Variants in BBS9 observed in about 807,000 individuals in gnomAD.
BBS9 encodes protein PTHB1.
Under a neutral mutation model 117.7 loss-of-function variants are expected in BBS9, and 89 were observed. That is an observed-to-expected ratio of 0.76 (90% CI 0.64 to 0.90). The LOEUF (loss-of-function observed/expected upper bound fraction) is 0.90, where lower values mean the gene tolerates loss of function less well. Among genes scored for constraint, BBS9 ranks in the 40% least tolerant of loss-of-function variants. The pLI is 0.00. For missense variants in BBS9, 982 were observed against 1,042.2 expected (o/e 0.94, Z 0.80); for synonymous variants, 379 against 370.9 (o/e 1.02, Z -0.25).
chr7:33,594,322 G>T (rs1862387605), intron 21 of BBS9, among the ~76,000 whole-genome samples: 1 of 152,044 alleles, frequency 6.6e-6, no homozygotes. Flanking sequence ...TCAGGCAGCG[G>T]AACTGAGCTC....
rs141841843 is a variant in BBS9 at position 33,270,075 on chromosome 7, G to T, written c.703-2937G>T. On this transcript the variant is annotated intron_variant, in intron 7 of 22. Coordinates refer to ENST00000242067, the MANE Select transcript of BBS9 (RefSeq NM_198428.3). ...AAATATAGAGGTGCCACATAAGTGA[G>T]AAAGAGCCTACTTACTGACCAATGC... Among the ~76,000 whole-genome samples the T allele has an allele frequency of 2.5e-4, 38 of 149,784 alleles. 1 individual carries two copies. The highest frequency in any genetic ancestry group is 8.8e-4 in the African/African-American group (36 of 40,916).
At chr7:33,339,848 G>A (rs1483862938) in intron 10 of BBS9, among the ~76,000 whole-genome samples, 4 of 152,012 alleles carry the variant, frequency 2.6e-5, no homozygotes, top group Admixed American at 6.5e-5. Flanking sequence ...GGATTTGACC[G>A]TGGAGCCTGG....
intron 21 of BBS9, among the ~76,000 whole-genome samples, chr7:33,574,052 G>T (rs2129143639): frequency 6.6e-6 from 1 of 152,224 alleles, no homozygotes; most frequent in African/African-American, 2.4e-5. Context: ...GGGTCCCAGT[G>T]CCCACAGGCT....
At chr7:33,137,626 A>G (rs1216157230) in intron 1 of BBS9, among the ~76,000 whole-genome samples, 1 of 152,126 alleles carries the variant, frequency 6.6e-6, no homozygotes, top group African/African-American at 2.4e-5. Flanking sequence ...TGGTTTCTTA[A>G]TTTCTTGGGA....
At chr7:33,273,714 T>G in intron 8 of BBS9, 113 bp from the exon 9 acceptor site, 1 of 910,618 alleles carries the variant, frequency 1.1e-6, no homozygotes, top group Non-Finnish European at 1.7e-6. Context: ...AAAATCTTTA[T>G]GTATTAAAAT....
intron 19 of BBS9, among the ~76,000 whole-genome samples, chr7:33,409,345 G>A (rs1000704199): frequency 6.6e-6 from 1 of 152,158 alleles, no homozygotes; most frequent in African/African-American, 2.4e-5. Context: ...ATGATGATAG[G>A]TAGGGATCCA....
rs183540069 is a variant in BBS9, at chr7:33,363,872, A to C, written c.1694-3895A>C. ...TTGATTAATTTTTAATGTTAGCCCA[A>C]CCGTGCATTCTTGAGATAAATTATA... On this transcript the variant is annotated intron_variant, in intron 16 of 22. Transcript: ENST00000242067. Among the ~76,000 whole-genome samples the C allele has an allele frequency of 4.1e-4, 63 of 152,106 alleles. 1 individual carries two copies. Among genetic ancestry groups the C allele is most frequent in the African/African-American group, 1.4e-3 (60 of 41,532 alleles).
In BBS9 at chr7:33,388,162, A is replaced by G; in HGVS notation, c.2115+18A>G. ...ACAAGCAGGTCAGTATAATATCAGT[A>G]ACAGTTTTCTATTACTGGCTATACT... On this transcript the variant is annotated intron_variant, in intron 19 of 22. Transcript: ENST00000242067. The G allele has an allele frequency of 6.2e-7, 1 of 1,613,358 alleles. No homozygotes were observed. Among genetic ancestry groups the G allele is most frequent in the Non-Finnish European group, 8.5e-7 (1 of 1,179,306 alleles).
At chr7:33,458,445 T>A (rs1468513190) in intron 19 of BBS9, among the ~76,000 whole-genome samples, 1 of 152,200 alleles carries the variant, frequency 6.6e-6, no homozygotes, top group African/African-American at 2.4e-5. Context: ...TCTAGTCCAT[T>A]TGTGGATTAC....
intron 19 of BBS9, among the ~76,000 whole-genome samples, chr7:33,432,605 TTTG>T (rs1422546893): frequency 6.6e-6 from 1 of 152,176 alleles, no homozygotes; most frequent in African/African-American, 2.4e-5. Flanking sequence ...ACTTTATCTC[TTTG>T]TTGTTTTAGA....
At chr7:33,581,131 G>A (rs967223276) in intron 21 of BBS9, among the ~76,000 whole-genome samples, 1 of 151,618 alleles carries the variant, frequency 6.6e-6, no homozygotes, top group Non-Finnish European at 1.5e-5. Context: ...AGAGTGAGAA[G>A]AATCTTTTTT....
intron 19 of BBS9, among the ~76,000 whole-genome samples, chr7:33,440,835 T>C (rs1415410836): frequency 1.3e-5 from 2 of 152,210 alleles, no homozygotes; most frequent in Non-Finnish European, 2.9e-5. Flanking sequence ...AGTGATATAA[T>C]TTATAATTTA....
chr7:33,445,885 C>T (rs1171167662), intron 19 of BBS9, among the ~76,000 whole-genome samples: 1 of 152,122 alleles, frequency 6.6e-6, no homozygotes, highest in Non-Finnish European at 1.5e-5. Flanking sequence ...CTTTCACCTT[C>T]CACCATGATT....
At chr7:33,236,808 T>G (rs1225243099) in intron 5 of BBS9, among the ~76,000 whole-genome samples, 1 of 152,046 alleles carries the variant, frequency 6.6e-6, no homozygotes, top group African/African-American at 2.4e-5. Flanking sequence ...TTTTAGCAAT[T>G]TTGAAATATA....
chr7:33,467,824 G>C (rs1008426743), intron 19 of BBS9, among the ~76,000 whole-genome samples: 4 of 145,682 alleles, frequency 2.7e-5, no homozygotes, highest in Middle Eastern at 3.6e-3. Context: ...TGAAACACTG[G>C]TGAGGAGAAA....
At chr7:33,148,662 CT>C (rs554496476) in intron 2 of BBS9, among the ~76,000 whole-genome samples, 2,734 of 132,864 alleles carry the variant, frequency 0.021, 51 homozygotes, top group African/African-American at 0.059. Flanking sequence ...TGCACCTGGC[CT>C]TTTTTTTTTT....
chr7:33,295,431 A>AG (rs1805058109), intron 9 of BBS9, among the ~76,000 whole-genome samples: 1 of 151,506 alleles, frequency 6.6e-6, no homozygotes, highest in Admixed American at 6.6e-5. Context: ...TAATTTTTTA[A>AG]GAAACCAGAT....
intron 9 of BBS9, among the ~76,000 whole-genome samples, chr7:33,290,967 A>G (rs1297208468): frequency 4.6e-5 from 7 of 152,184 alleles, no homozygotes. Flanking sequence ...TTAGTTATTT[A>G]TGCTAATTTC....
At chr7:33,527,169 T>C (rs1849681738) in intron 20 of BBS9, among the ~76,000 whole-genome samples, 3 of 152,128 alleles carry the variant, frequency 2.0e-5, no homozygotes, top group Admixed American at 2.0e-4. Flanking sequence ...GACAGGGACA[T>C]TTAAGTCTGC....
Sources: allele counts gnomAD v4.1 joint callset (sites outside exome capture counted in the v4.1 genomes callset), GRCh38; gene constraint gnomAD v4.1.1; transcripts MANE v1.5; gene names NCBI Gene and HGNC (gene_info 2026-07-23, HGNC 2026-07-21).